Variants in ARHGAP32 observed in about 807,000 individuals in gnomAD.
The protein encoded by ARHGAP32 is rho GTPase-activating protein 32.
A neutral mutation model predicts 186.5 loss-of-function variants in ARHGAP32; 51 were observed. The observed-to-expected ratio is 0.27, with a 90% CI of 0.22 to 0.35. The LOEUF (loss-of-function observed/expected upper bound fraction) is 0.35. Among genes scored for constraint, ARHGAP32 ranks in the 10% least tolerant of loss-of-function variants. The pLI is 1.00. For missense variants in ARHGAP32, 2,186 were observed against 2,623.5 expected (o/e 0.83, Z 3.64); for synonymous variants, 950 against 964.3 (o/e 0.99, Z 0.27).
At chr11:129,182,992 A>G (rs573453813) in intron 1 of ARHGAP32, among the ~76,000 whole-genome samples, 21 of 152,144 alleles carry the variant, frequency 1.4e-4, no homozygotes, top group Non-Finnish European at 2.4e-4. Context: ...TAAATCTTTG[A>G]TCATTTGTAA....
chr11:129,073,829 G>C (rs1940948003), intron 6 of ARHGAP32, among the ~76,000 whole-genome samples: 1 of 150,562 alleles, frequency 6.6e-6, no homozygotes, highest in African/African-American at 2.4e-5. Flanking sequence ...TATCTTGAAA[G>C]AAGCTGGGAG....
chr11:129,270,636 A>T (rs957904965), intron 1 of ARHGAP32, among the ~76,000 whole-genome samples: 2 of 152,026 alleles, frequency 1.3e-5, no homozygotes, highest in African/African-American at 2.4e-5. Flanking sequence ...GATGCTGATA[A>T]TGGGGGAAGC....
rs1945431498 is a variant in ARHGAP32, at chr11:128,972,940, T to A, written c.3566A>T (p.Lys1189Met). Residue 1189 changes from lysine (K) to methionine (M), a missense_variant, in exon 22 of 23, where the codon AAG (lysine) becomes ATG (methionine). Physicochemically the swap from Lys to Met is moderately conservative, Grantham distance 95. Around this residue, in one of 5 missense-constraint regions of ARHGAP32, gnomAD observed 1,502 missense variants for 1,570.0 expected, o/e 0.96. Coordinates refer to ENST00000682385, the MANE Select transcript of ARHGAP32 (RefSeq NM_001378024.1). ...AGGGAAACTTACATGATCATCAGAC[T>A]TCTCTGAGTCTAAGGGAACTGAAGT... ...RITSVPLDSE[K>M]SDDHVSFPED... is the part of the protein sequence containing the mutation. 1 of 1,613,906 alleles carries A rather than the reference T, an allele frequency of 6.2e-7. No homozygotes were observed. Among genetic ancestry groups the A allele is most frequent in the Admixed American group, 1.7e-5 (1 of 59,986 alleles).
At chr11:129,273,420 G>A (rs1341472043) in intron 1 of ARHGAP32, among the ~76,000 whole-genome samples, 1 of 152,180 alleles carries the variant, frequency 6.6e-6, no homozygotes. Flanking sequence ...AGGTCTGTCA[G>A]ATTCTCCTTA....
Position 129,123,620 on chromosome 11 carries a change from A to C in ARHGAP32, c.360-90T>G. On this transcript the variant is annotated intron_variant, in intron 4 of 22. Transcript: ENST00000682385. The surrounding 1 kb of genome is among the most constrained non-coding windows in gnomAD (Gnocchi z 4.6). Reference sequence around the variant, plus strand: ...AAAAATACAGTGGATTTAAGAGCTCATGCAAGCAAAAATATTTCGTAAGCA... The same window carrying C: ...AAAAATACAGTGGATTTAAGAGCTCCTGCAAGCAAAAATATTTCGTAAGCA... 8.5e-7 allele frequency: 1 copy of C among 1,178,038 alleles called. No homozygotes were observed. The highest frequency in any genetic ancestry group is 1.2e-6 in the Non-Finnish European group (1 of 813,112). The allele number at this position is 1,178,038 out of a possible 1,614,324, so 73.0% of individuals were successfully genotyped here. A position where few individuals can be genotyped will look rare whatever the true frequency, so the allele number is the denominator to read the frequency against.
intron 1 of ARHGAP32, among the ~76,000 whole-genome samples, chr11:129,220,682 G>C (rs1236427711): frequency 6.6e-6 from 1 of 152,154 alleles, no homozygotes; most frequent in Non-Finnish European, 1.5e-5. Context: ...CAGGTTTCTA[G>C]GCTCCACTCT....
chr11:129,088,833 G>A (rs1941486602), intron 6 of ARHGAP32, among the ~76,000 whole-genome samples: 1 of 152,062 alleles, frequency 6.6e-6, no homozygotes, highest in South Asian at 2.1e-4. Flanking sequence ...ACTTGAGCTG[G>A]TTCATGGCCA....
At position 129,164,573 on chromosome 11, in the gene ARHGAP32, T is replaced by C. The variant is rs566405032; in HGVS notation, c.117-146A>G. 4.2e-5 allele frequency: 24 copies of C among 569,936 alleles called. No individual in the cohort carries two copies. The South Asian group carries it at 5.6e-4, about 13-fold the overall frequency. The allele number at this position is 569,936 out of a possible 1,614,324, so 35.3% of individuals were successfully genotyped here. A position where few individuals can be genotyped will look rare whatever the true frequency, so the allele number is the denominator to read the frequency against. ...TTAACTGAATAGCAGTGATCCTTTA[T>C]TTCTACTCTGGCTTTCAGAGGTCTC... On this transcript the variant is annotated intron_variant, in intron 1 of 22. Coordinates refer to ENST00000682385, the MANE Select transcript of ARHGAP32 (RefSeq NM_001378024.1).
At chr11:128,985,856 G>GTATATA (rs1234875074) in intron 15 of ARHGAP32, 147 bp downstream of exon 15, 108 of 111,136 alleles carry the variant, frequency 9.7e-4, no homozygotes, top group African/African-American at 2.5e-3. Flanking sequence ...GTGTGTGTGT[G>GTATATA]TGTATATATA....
intron 1 of ARHGAP32, among the ~76,000 whole-genome samples, chr11:129,211,108 C>T (rs189426442): frequency 1.3e-5 from 2 of 152,292 alleles, no homozygotes; most frequent in East Asian, 3.9e-4. Context: ...CATCAGCAAC[C>T]ACCACCTTTA....
At chr11:129,049,641 C>A (rs1303497040) in intron 10 of ARHGAP32, among the ~76,000 whole-genome samples, 1 of 152,096 alleles carries the variant, frequency 6.6e-6, no homozygotes, top group Non-Finnish European at 1.5e-5. Flanking sequence ...ATGTAATATA[C>A]TCTTTTTTGT....
intron 9 of ARHGAP32, among the ~76,000 whole-genome samples, chr11:129,062,884 G>C (rs1390601626): frequency 7.6e-6 from 1 of 132,402 alleles, no homozygotes; most frequent in Non-Finnish European, 1.7e-5. Context: ...TATAAAATTT[G>C]ATGACAACTA....
chr11:129,046,415 GATGTAT>G (rs1415439377), intron 10 of ARHGAP32, among the ~76,000 whole-genome samples: 1 of 151,014 alleles, frequency 6.6e-6, no homozygotes, highest in African/African-American at 2.5e-5. Context: ...GCTGACCACT[GATGTAT>G]ATTCATACAC....
intron 11 of ARHGAP32, among the ~76,000 whole-genome samples, chr11:129,034,150 A>C (rs967461093): frequency 1.3e-5 from 2 of 152,054 alleles, no homozygotes; most frequent in Non-Finnish European, 2.9e-5. Context: ...CTCTGTCTTG[A>C]TGGGTTCTGA....
chr11:128,971,996 A>G (rs1945388468), intron 22 of ARHGAP32: 1 of 152,838 alleles, frequency 6.5e-6, no homozygotes, highest in African/African-American at 2.4e-5. Flanking sequence ...TGCAAGGCAG[A>G]CAGTCTTACG....
At chr11:128,989,516 T>TCACACACA (rs56090706) in intron 12 of ARHGAP32, among the ~76,000 whole-genome samples, 10,719 of 138,808 alleles carry the variant, frequency 0.077, 501 homozygotes, top group African/African-American at 0.13. Flanking sequence ...GTTTTTTATT[T>TCACACACA]CACACACACA....
chr11:129,035,517 GACAGAA>G (rs1458171101), intron 11 of ARHGAP32, among the ~76,000 whole-genome samples: 1 of 152,194 alleles, frequency 6.6e-6, no homozygotes, highest in African/African-American at 2.4e-5. Context: ...GCCCAAGGCT[GACAGAA>G]TTCACATCAT....
At chr11:129,057,503 A>G (rs1940299527) in intron 10 of ARHGAP32, among the ~76,000 whole-genome samples, 1 of 152,072 alleles carries the variant, frequency 6.6e-6, no homozygotes, top group Non-Finnish European at 1.5e-5. Context: ...CCCAAAATTC[A>G]TAATGTTGAA....
chr11:129,100,433 G>C (rs1277898974), intron 5 of ARHGAP32, among the ~76,000 whole-genome samples: 1 of 152,144 alleles, frequency 6.6e-6, no homozygotes, highest in Non-Finnish European at 1.5e-5. Context: ...GAGAGCTGCA[G>C]AGGGGTGGCA....
Sources: allele counts gnomAD v4.1 joint callset (sites outside exome capture counted in the v4.1 genomes callset), GRCh38; gene constraint gnomAD v4.1.1; regional missense constraint gnomAD v4.1.1; non-coding constraint Gnocchi (gnomAD v3.1); transcripts MANE v1.5; gene names NCBI Gene and HGNC (gene_info 2026-07-23, HGNC 2026-07-21).